Variants in CFAP92 observed in about 807,000 individuals in gnomAD.
CFAP92 encodes uncharacterized protein CFAP92.
A neutral mutation model predicts 106.3 loss-of-function variants in CFAP92; 86 were observed. The observed-to-expected ratio is 0.81, with a 90% CI of 0.68 to 0.97. CFAP92 has a LOEUF of 0.97. CFAP92 is among the 50% of genes least tolerant of loss of function. CFAP92 has a pLI of 0.00. For missense variants in CFAP92, 1,204 were observed against 1,283.8 expected (o/e 0.94, Z 0.95); for synonymous variants, 477 against 506.4 (o/e 0.94, Z 0.78).
Position 128,945,325 on chromosome 3 carries a change from C to T in CFAP92, c.2004G>A (p.Lys668=), listed in dbSNP as rs1195050391. ...GCAGGCTGTGGAGCAGGGAGACCTT[C>T]TTAAAGTCAAAGACGAAGATGATGC... ...FGRIIFVFDF[K]KVSLLHSLLQ... The change falls in exon 10 of 16, where the codon AAG becomes AAA. Residue 668 remains lysine, a synonymous_variant. Coordinates refer to ENST00000645291, the MANE Select transcript of CFAP92 (RefSeq NM_001394090.1). 2 of 1,536,128 alleles carry T rather than the reference C, an allele frequency of 1.3e-6. No homozygotes were observed. Among genetic ancestry groups the T allele is most frequent in the Non-Finnish European group, 8.7e-7 (1 of 1,146,898 alleles).
At position 128,945,100 on chromosome 3, in the gene CFAP92, C is replaced by G. The variant is rs751625592; in HGVS notation, c.2229G>C (p.Leu743Phe). 4 of 1,532,330 alleles carry G rather than the reference C, an allele frequency of 2.6e-6. No individual in the cohort carries two copies. The highest frequency in any genetic ancestry group is 3.5e-6 in the Non-Finnish European group (4 of 1,144,304). The allele number at this position is 1,532,330 out of a possible 1,614,324, so 94.9% of individuals were successfully genotyped here. The change falls in exon 10 of 16, where the codon TTG becomes TTC. Residue 743 changes from leucine to phenylalanine, a missense_variant. Transcript: ENST00000645291. ...TTTGGTGGTTCTCCCACAGCTGCCT[C>G]AAGCCTTGGTCGGCCAGGCCTTCCA... ...FILEGLADQG[L>F]RQLWENHQSW...
At chr3:128,918,991 A>T (rs1284923474) in intron 12 of CFAP92, among the ~76,000 whole-genome samples, 4 of 124,900 alleles carry the variant, frequency 3.2e-5, no homozygotes, top group African/African-American at 1.3e-4. Flanking sequence ...CTTGTTGCCC[A>T]GGTTGGAGTG....
At chr3:128,975,931 ATG>A in intron 6 of CFAP92, 28 bp from the exon 7 acceptor site, 1 of 1,581,374 alleles carries the variant, frequency 6.3e-7, no homozygotes, top group Middle Eastern at 1.7e-4. Context: ...AGAAAAATTA[ATG>A]AAGGTGAAAA....
At chr3:128,972,589 C>T (rs1485790025) in intron 7 of CFAP92, among the ~76,000 whole-genome samples, 4 of 151,430 alleles carry the variant, frequency 2.6e-5, no homozygotes, top group Non-Finnish European at 5.9e-5. Context: ...AGTGTGGTAA[C>T]TCACTCCTGT....
chr3:128,941,898 C>T (rs1939671532), intron 10 of CFAP92, among the ~76,000 whole-genome samples: 1 of 152,192 alleles, frequency 6.6e-6, no homozygotes, highest in Admixed American at 6.5e-5. Flanking sequence ...AATTTCCCTG[C>T]ATATGAACTT....
At chr3:129,001,604 G>C (rs1028623359) in intron 1 of CFAP92, 1 of 1,355,856 alleles carries the variant, frequency 7.4e-7, no homozygotes, top group Admixed American at 3.9e-5. Context: ...GGAGGGACCG[G>C]AGGAGCGAGG....
At chr3:129,022,168 G>A in the CFAP92 span, among the ~76,000 whole-genome samples, 1 of 152,136 alleles carries the variant, frequency 6.6e-6, no homozygotes, top group East Asian at 1.9e-4. Context: ...ATATTACCAG[G>A]GGCAGGAGCT....
At chr3:128,997,395 AATC>A (rs1300476438), upstream of CFAP92, among the ~76,000 whole-genome samples, 2 of 152,240 alleles carry the variant, frequency 1.3e-5, no homozygotes, top group Non-Finnish European at 2.9e-5. Context: ...CTAGTGCTGT[AATC>A]ATCATCATAA....
upstream of CFAP92, chr3:128,994,168 G>GGGGGCGGGGCTCCGC (rs1481766526): frequency 6.3e-5 from 62 of 985,286 alleles, no homozygotes; most frequent in Admixed American, 2.2e-3. Flanking sequence ...CGTGCGGCCT[G>GGGGGCGGGGCTCCGC]GGGGCGGGGC....
the CFAP92 span, among the ~76,000 whole-genome samples, chr3:129,015,783 C>A: frequency 6.6e-6 from 1 of 151,894 alleles, no homozygotes; most frequent in Non-Finnish European, 1.5e-5. Flanking sequence ...ATCCCGCCCC[C>A]CTACCCCAAG....
intron 11 of CFAP92, among the ~76,000 whole-genome samples, chr3:128,933,246 G>A (rs1278834740): frequency 6.6e-6 from 1 of 152,106 alleles, no homozygotes; most frequent in Non-Finnish European, 1.5e-5. Flanking sequence ...GTGCTGCTCT[G>A]TTCCTGTGTC....
upstream of CFAP92, among the ~76,000 whole-genome samples, chr3:128,996,748 C>G (rs1263891605): frequency 1.3e-5 from 2 of 152,260 alleles, no homozygotes; most frequent in Admixed American, 1.3e-4. Flanking sequence ...CTATGCTGTG[C>G]TCAGCTGGAG....
chr3:129,003,782 C>G (rs1038691468), upstream of CFAP92: 2 of 1,432,682 alleles, frequency 1.4e-6, no homozygotes, highest in Non-Finnish European at 1.8e-6. Flanking sequence ...CCCTGCTGCC[C>G]TGTCCCCGCA....
chr3:128,971,499 C>G, intron 7 of CFAP92, 66 bp from the exon 8 acceptor site: 1 of 1,283,448 alleles, frequency 7.8e-7, no homozygotes, highest in South Asian at 1.5e-5. Context: ...ATATGTGGAC[C>G]TGAACATGCT....
chr3:128,990,615 G>A (rs909798134), intron 2 of CFAP92, among the ~76,000 whole-genome samples: 1 of 152,186 alleles, frequency 6.6e-6, no homozygotes, highest in African/African-American at 2.4e-5. Context: ...CAATTTATAG[G>A]TCGGGCGTGG....
intron 7 of CFAP92, among the ~76,000 whole-genome samples, chr3:128,973,076 A>G (rs1362829341): frequency 6.6e-6 from 1 of 152,180 alleles, no homozygotes; most frequent in African/African-American, 2.4e-5. Context: ...AGATAACATA[A>G]ATCAAGTCAA....
At chr3:128,989,936 A>C (rs951310563) in intron 2 of CFAP92, among the ~76,000 whole-genome samples, 2 of 152,244 alleles carry the variant, frequency 1.3e-5, no homozygotes, top group African/African-American at 4.8e-5. Flanking sequence ...CAAGTTATTT[A>C]GCCCTTTTAA....
intron 9 of CFAP92, among the ~76,000 whole-genome samples, chr3:128,953,470 A>G (rs57095650): frequency 0.6 from 90,782 of 151,604 alleles, 29,638 homozygotes; most frequent in African/African-American, 0.87. Context: ...AGCCAAGATC[A>G]CGCCACTGCA....
At chr3:129,001,498 T>C (rs1445062629) in intron 1 of CFAP92, 1 of 1,290,716 alleles carries the variant, frequency 7.7e-7, no homozygotes, top group Admixed American at 4.1e-5. Flanking sequence ...CTGGACACGG[T>C]CCCCGGCGCC....
Sources: gnomAD v4.1 joint callset for allele counts (sites outside exome capture counted in the v4.1 genomes callset) on GRCh38, gnomAD v4.1.1 for gene constraint, MANE v1.5 for transcripts, NCBI Gene and HGNC (gene_info 2026-07-23, HGNC 2026-07-21) for gene names.